The following RNF14 variants were observed in gnomAD, a reference collection of about 807,000 sequenced individuals.
RNF14 encodes the protein E3 ubiquitin-protein ligase RNF14.
A neutral mutation model predicts 52.6 loss-of-function variants in RNF14; 26 were observed. That is an observed-to-expected ratio of 0.49 (90% CI 0.36 to 0.69). The LOEUF is 0.69. RNF14 is among the 30% of genes least tolerant of loss of function. RNF14 has a pLI of 0.00. For missense variants in RNF14, 404 were observed against 560.4 expected, an observed-to-expected ratio of 0.72 and a Z score of 2.82; for synonymous variants, 194 against 202.0, an observed-to-expected ratio of 0.96 and a Z score of 0.34.
At chr5:141,957,644 G>C (rs1291586523), upstream of RNF14, 1 of 1,614,206 alleles carries the variant, frequency 6.2e-7, no homozygotes, top group Non-Finnish European at 8.5e-7. This position sits in a 1 kb window ranked among gnomAD's most constrained non-coding sequence, Gnocchi z 4.3. Context: ...TGAGGCAGCT[G>C]CAACACCTGG....
intron 2 of RNF14, among the ~76,000 whole-genome samples, chr5:141,971,563 TTTTCTTTCTTTCTTTCTTTCTTTC>T (rs746341507): frequency 1.8e-4 from 10 of 55,096 alleles, no homozygotes; most frequent in South Asian, 1.7e-3. Flanking sequence ...GCTAATTTCT[TTTTCTTTCTTTCTTTCTTTCTTTC>T]TTTCTTTCTT....
chr5:141,957,872 G>T (rs373016433), upstream of RNF14: 6 of 1,586,846 alleles, frequency 3.8e-6, no homozygotes, highest in African/African-American at 8.0e-5. The surrounding 1 kb of genome is among the most constrained non-coding windows in gnomAD (Gnocchi z 4.3). Flanking sequence ...AAGTGGGCTA[G>T]ATTCAGAAAC....
chr5:141,980,377 C>T, intron 6 of RNF14, 26 bp downstream of exon 6: 2 of 1,546,362 alleles, frequency 1.3e-6, no homozygotes, highest in South Asian at 1.1e-5. Context: ...GAACCCAAAC[C>T]CCCATCCCCA....
chr5:141,958,831 T>C, intron 1 of RNF14: 1 of 152,336 alleles, frequency 6.6e-6, no homozygotes, highest in Non-Finnish European at 1.5e-5. Flanking sequence ...AACGAAATGA[T>C]GTAGGAAGGG....
intron 2 of RNF14, among the ~76,000 whole-genome samples, chr5:141,972,315 G>A (rs1010460414): frequency 6.7e-6 from 1 of 148,734 alleles, no homozygotes; most frequent in Non-Finnish European, 1.5e-5. Context: ...CTGCAGCCTC[G>A]ACCTCCCAGG....
the RNF14 span, among the ~76,000 whole-genome samples, chr5:141,949,930 C>A: frequency 6.6e-6 from 1 of 152,172 alleles, no homozygotes. Flanking sequence ...CCTCCCATGT[C>A]TAGGTATTGC....
chr5:141,980,458 T>C, intron 6 of RNF14, 107 bp downstream of exon 6: 1 of 834,814 alleles, frequency 1.2e-6, no homozygotes, highest in African/African-American at 1.7e-5. Flanking sequence ...AGTATTCATT[T>C]AGCAGATATT....
At chr5:141,978,187 A>C (rs1754429659) in intron 4 of RNF14, 116 bp from the exon 5 acceptor site, 5 of 846,644 alleles carry the variant, frequency 5.9e-6, no homozygotes, top group Non-Finnish European at 9.4e-6. Flanking sequence ...AGCAGTAAAA[A>C]ATAGTGTTAG....
upstream of RNF14, chr5:141,957,222 A>G (rs1183780216): frequency 6.2e-7 from 1 of 1,614,204 alleles, no homozygotes; most frequent in Non-Finnish European, 8.5e-7. This position sits in a 1 kb window ranked among gnomAD's most constrained non-coding sequence, Gnocchi z 4.3. Context: ...ACACCAGATC[A>G]AAAAATGAAT....
chr5:141,980,844 G>A (rs1381999123), intron 6 of RNF14, among the ~76,000 whole-genome samples: 1 of 152,140 alleles, frequency 6.6e-6, no homozygotes, highest in Non-Finnish European at 1.5e-5. Context: ...CCAATGCAGG[G>A]CATCTAAGCT....
chr5:141,957,407 A>G, upstream of RNF14: 1 of 1,613,274 alleles, frequency 6.2e-7, no homozygotes, highest in African/African-American at 1.3e-5. This position sits in a 1 kb window ranked among gnomAD's most constrained non-coding sequence, Gnocchi z 4.3. Context: ...GTTCGCAGAG[A>G]GGCGCTCTCA....
chr5:141,987,775 T>C lies in RNF14; in HGVS notation c.1410T>C (p.Asp470=). 1 of 1,613,666 alleles carries C rather than the reference T, an allele frequency of 6.2e-7. No homozygotes were observed. The part of the protein sequence containing the change: ...AVDVDDDIWE[D]EVED ...ATGTTGACGACGATATTTGGGAAGATGAGGTAGAAGACTAGTTAACTACTG... is the reference window on the plus strand; with the variant it reads ...ATGTTGACGACGATATTTGGGAAGACGAGGTAGAAGACTAGTTAACTACTG... Residue 470 remains aspartate, a synonymous_variant, in exon 9 of 9, where the codon GAT becomes GAC. Coordinates refer to ENST00000394520, the MANE Select transcript of RNF14 (RefSeq NM_004290.5).
chr5:141,985,363 T>C (rs866318086), intron 8 of RNF14, among the ~76,000 whole-genome samples: 27 of 152,324 alleles, frequency 1.8e-4, no homozygotes, highest in African/African-American at 6.5e-4. Flanking sequence ...AAAAACTTAA[T>C]GATAGTGGCA....
At chr5:141,970,996 T>A (rs990893737) in intron 2 of RNF14, 119 bp downstream of exon 2, 1 of 152,362 alleles carries the variant, frequency 6.6e-6, no homozygotes, top group Non-Finnish European at 1.5e-5. Context: ...AAATCATTTT[T>A]AATTTCATAG....
At chr5:141,956,095 C>T, upstream of RNF14, 7 of 1,614,182 alleles carry the variant, frequency 4.3e-6, no homozygotes, top group Non-Finnish European at 5.9e-6. Context: ...CAGCAGGTGG[C>T]CTGTGGAGGC....
At chr5:141,949,597 C>T in the RNF14 span, 1 of 1,612,102 alleles carries the variant, frequency 6.2e-7, no homozygotes, top group Non-Finnish European at 8.5e-7. Flanking sequence ...CAAAAGAAAC[C>T]AACCAGTCCA....
Position 141,973,675 on chromosome 5 carries a change from G to A in RNF14, c.87G>A (p.Glu29=). 6 of 1,613,950 alleles carry A rather than the reference G, an allele frequency of 3.7e-6. No individual in the cohort carries two copies. The highest frequency in any genetic ancestry group is 5.1e-6 in the Non-Finnish European group (6 of 1,179,908). Reference sequence around the variant, plus strand: ...ATGGAGATGAATTTAGAAAAGCAGAGTCTGTCCAAGGTGGAGAAACCAGGA... The same window carrying A: ...ATGGAGATGAATTTAGAAAAGCAGAATCTGTCCAAGGTGGAGAAACCAGGA... ...IYDGDEFRKA[E]SVQGGETRIY... Residue 29 remains glutamate (E), a synonymous_variant, in exon 3 of 9, where the codon GAG becomes GAA. Coordinates refer to ENST00000394520, the MANE Select transcript of RNF14 (RefSeq NM_004290.5).
At chr5:141,972,179 GGA>G (rs1753838968) in intron 2 of RNF14, among the ~76,000 whole-genome samples, 2 of 151,790 alleles carry the variant, frequency 1.3e-5, no homozygotes, top group South Asian at 4.2e-4. Flanking sequence ...TTCTCACCTG[GGA>G]GCAATTTTGC....
chr5:141,987,185 G>C (rs1310088260), intron 8 of RNF14, among the ~76,000 whole-genome samples: 2 of 152,148 alleles, frequency 1.3e-5, no homozygotes, highest in East Asian at 1.9e-4. Context: ...GTGAGGGAGG[G>C]GGGTATGACC....
Sources: allele counts gnomAD v4.1 joint callset (sites outside exome capture counted in the v4.1 genomes callset), GRCh38; gene constraint gnomAD v4.1.1; non-coding constraint Gnocchi (gnomAD v3.1); transcripts MANE v1.5; gene names NCBI Gene and HGNC (gene_info 2026-07-23, HGNC 2026-07-21).